IFT20: variants seen among roughly 807,000 people sequenced by gnomAD.
The protein encoded by IFT20 is intraflagellar transport 20.
In IFT20, 4 loss-of-function variants were observed where a neutral mutation model predicts 16.9. That is an observed-to-expected ratio of 0.24 (90% CI 0.12 to 0.54). The LOEUF is 0.54. IFT20 is among the 20% of genes least tolerant of loss of function. The probability of loss-of-function intolerance (pLI) is 0.95; values close to 1 mark genes in which losing one functional copy is unlikely to be tolerated. For synonymous variants in IFT20, 48 were observed against 49.9 expected (o/e 0.96, Z 0.16); for missense variants, 154 against 149.7 (o/e 1.03, Z -0.15).
chr17:28,332,191 T>A (rs1427227093), intron 1 of IFT20: 2 of 1,537,168 alleles, frequency 1.3e-6, no homozygotes, highest in African/African-American at 1.4e-5. Flanking sequence ...TCTGAAGGAG[T>A]GACAGTGGCA....
intron 1 of IFT20, chr17:28,332,437 T>G: frequency 2.2e-6 from 1 of 456,440 alleles, no homozygotes; most frequent in Non-Finnish European, 4.0e-6. Context: ...AATGCTTGTT[T>G]AGAAACATCA....
At chr17:28,329,087 A>T (rs781796420) in intron 4 of IFT20, 86 bp downstream of exon 4, 64 of 875,750 alleles carry the variant, frequency 7.3e-5, no homozygotes, top group Non-Finnish European at 1.1e-4. Flanking sequence ...ACAATGATGA[A>T]GAATAAGGAC....
At chr17:28,330,141 T>C in intron 3 of IFT20, 2 of 604,096 alleles carry the variant, frequency 3.3e-6, no homozygotes, top group Non-Finnish European at 5.8e-6. Context: ...GAGGGTGAGG[T>C]GGGAGAATCG....
chr17:28,332,192 G>A (rs547146339), intron 1 of IFT20: 1,373 of 1,537,202 alleles, frequency 8.9e-4, no homozygotes, highest in Non-Finnish European at 1.1e-3. Flanking sequence ...CTGAAGGAGT[G>A]ACAGTGGCAG....
In IFT20 at chr17:28,330,015, G is replaced by A. The variant is rs1218822427; in HGVS notation, c.213+428C>T. 2.0e-4 allele frequency: 91 copies of A among 462,398 alleles called. 1 individual carries two copies. Among genetic ancestry groups the A allele is most frequent in the Admixed American group, 1.4e-3 (36 of 25,234 alleles). The allele number at this position is 462,398 out of a possible 1,614,324, so 28.6% of individuals were successfully genotyped here. On this transcript the variant is annotated intron_variant, in intron 3 of 4. Coordinates refer to ENST00000395418, the MANE Select transcript of IFT20 (RefSeq NM_001267776.2). The stretch of plus-strand genomic sequence containing the variant: ...GCGGAGGTTGCAGTGAGCCAAGATC[G>A]CACCATTGCACTCCAGCCTGGGCAA...
At chr17:28,333,689 G>A (rs965111996) in intron 1 of IFT20, among the ~76,000 whole-genome samples, 1 of 152,180 alleles carries the variant, frequency 6.6e-6, no homozygotes, top group Non-Finnish European at 1.5e-5. Flanking sequence ...CCAGCACTTT[G>A]GGAGACTGAG....
chr17:28,331,905 G>T lies in IFT20; in HGVS notation c.81C>A (p.Thr27=), dbSNP rs781806742. 12 of 1,614,196 alleles carry T rather than the reference G, an allele frequency of 7.4e-6. No individual in the cohort carries two copies. Among genetic ancestry groups the T allele is most frequent in the Non-Finnish European group, 9.3e-6 (11 of 1,180,048 alleles). The change falls in exon 2 of 5, where the codon ACC becomes ACA. Residue 27 remains threonine (T), a synonymous_variant. Transcript: ENST00000395418. The stretch of plus-strand genomic sequence containing the variant: ...CTTCCTTCAGCTCTATGGTCTGCTG[G>T]GTAACCTCTGGGTCCAACACCCTCA... ...NKLRVLDPEV[T]QQTIELKEEC...
rs536305942 is a variant in IFT20 at position 28,333,161 on chromosome 17, C to T, written c.-2-1174G>A. On this transcript the variant is annotated intron_variant, in intron 1 of 4. Coordinates refer to ENST00000395418, the MANE Select transcript of IFT20 (RefSeq NM_001267776.2). ...TTAAAAAGGGAGGCAATGCTACTTA[C>T]ATCTAGCAATTGGCTGCTATGCCAA... is the stretch of plus-strand genomic sequence containing the variant. Among the ~76,000 whole-genome samples, 6 of 151,726 alleles carry T rather than the reference C, an allele frequency of 4.0e-5. No individual in the cohort carries two copies. The South Asian group carries it at 1.3e-3, about 32-fold the overall frequency.
At chr17:28,331,050 G>A (rs1372859188) in intron 2 of IFT20, among the ~76,000 whole-genome samples, 1 of 152,230 alleles carries the variant, frequency 6.6e-6, no homozygotes, top group Non-Finnish European at 1.5e-5. Flanking sequence ...GGACACAAGC[G>A]CTGCCTCTGG....
chr17:28,329,568 A>C, intron 3 of IFT20: 1 of 313,968 alleles, frequency 3.2e-6, no homozygotes, highest in African/African-American at 2.1e-5. Flanking sequence ...CAATCATACT[A>C]TGTAAGCCTT....
chr17:28,333,106 C>CAA lies in IFT20; in HGVS notation c.-2-1121_-2-1120dup, dbSNP rs1555576844. Among the ~76,000 whole-genome samples the CAA allele has an allele frequency of 2.6e-5, 4 of 150,956 alleles. No homozygotes were observed. The South Asian group carries it at 8.4e-4, about 32-fold the overall frequency. On this transcript the variant is annotated intron_variant, in intron 1 of 4. Transcript: ENST00000395418. ...ACACACACACACACACACACACACACAATTAAACATAGACATCTTTATGAC... is the reference window on the plus strand; with the variant it reads ...ACACACACACACACACACACACACACAAAATTAAACATAGACATCTTTATGAC...
intron 2 of IFT20, 142 bp downstream of exon 2, chr17:28,331,717 G>A: frequency 2.0e-6 from 2 of 980,880 alleles, no homozygotes; most frequent in East Asian, 4.8e-5. Flanking sequence ...AGACAGAAAA[G>A]GGTGGCACGT....
At chr17:28,329,874 A>G (rs1412977824) in intron 3 of IFT20, 4 of 260,568 alleles carry the variant, frequency 1.5e-5, no homozygotes, top group Non-Finnish European at 2.9e-5. Context: ...CAGCCTGACC[A>G]ACATGGAGAA....
At chr17:28,332,666 A>G (rs114024905) in intron 1 of IFT20, 1 of 156,822 alleles carries the variant, frequency 6.4e-6, no homozygotes, top group Non-Finnish European at 1.4e-5. Context: ...AGGAGTAAGA[A>G]TATTACTCAA....
At chr17:28,335,160 C>T (rs1199961815) in intron 1 of IFT20, among the ~76,000 whole-genome samples, 180 bp downstream of exon 1, 1 of 152,154 alleles carries the variant, frequency 6.6e-6, no homozygotes, top group Non-Finnish European at 1.5e-5. Flanking sequence ...CTCGTAAGAT[C>T]GTGGCAAGCA....
intron 4 of IFT20, 110 bp downstream of exon 4, chr17:28,329,063 C>G: frequency 2.7e-6 from 2 of 744,498 alleles, no homozygotes; most frequent in Non-Finnish European, 4.5e-6. Context: ...AAGTGAGATG[C>G]TATTCCTGGG....
intron 1 of IFT20, among the ~76,000 whole-genome samples, chr17:28,335,075 C>A (rs1222770850): frequency 8.5e-5 from 13 of 152,204 alleles, no homozygotes; most frequent in Admixed American, 7.9e-4. Context: ...CCCCGGCTCT[C>A]CCAGATGCAT....
At chr17:28,329,056 T>G in intron 4 of IFT20, 117 bp downstream of exon 4, 20 of 721,136 alleles carry the variant, frequency 2.8e-5, no homozygotes, top group Non-Finnish European at 3.8e-5. Flanking sequence ...GGATGACAAG[T>G]GAGATGCTAT....
intron 1 of IFT20, among the ~76,000 whole-genome samples, chr17:28,333,108 A>ACACACACAC (rs1906907204): frequency 3.6e-5 from 2 of 55,726 alleles, no homozygotes; most frequent in South Asian, 7.0e-4. Context: ...CACACACACA[A>ACACACACAC]TTAAACATAG....
Sources: gnomAD v4.1 joint callset for allele counts (sites outside exome capture counted in the v4.1 genomes callset) on GRCh38, gnomAD v4.1.1 for gene constraint, MANE v1.5 for transcripts, NCBI Gene and HGNC (gene_info 2026-07-23, HGNC 2026-07-21) for gene names.